Variants in LGI2 observed in about 807,000 individuals in gnomAD.
The protein encoded by LGI2 is leucine rich repeat LGI family member 2.
LGI2 carries 30 observed loss-of-function variants against 52.0 expected under a neutral mutation model. That is an observed-to-expected ratio of 0.58 (90% CI 0.43 to 0.78). The LOEUF is 0.78. LGI2 is among the 30% of genes least tolerant of loss of function. The pLI, the probability that LGI2 is intolerant of heterozygous loss-of-function variation, is 0.00. For synonymous variants in LGI2, 270 were observed against 271.8 expected (o/e 0.99, Z 0.06); for missense variants, 573 against 692.5 (o/e 0.83, Z 1.94).
chr4:25,010,567 T>C (rs961443741), intron 7 of LGI2, among the ~76,000 whole-genome samples: 3 of 152,242 alleles, frequency 2.0e-5, no homozygotes, highest in Non-Finnish European at 4.4e-5. Context: ...GCACACATTC[T>C]TCCTAGACCA....
chr4:25,023,999 T>C (rs540279148), intron 4 of LGI2, among the ~76,000 whole-genome samples: 1 of 152,310 alleles, frequency 6.6e-6, no homozygotes, highest in African/African-American at 2.4e-5. Context: ...ATTAATCCAA[T>C]ATAAAACAAA....
intron 1 of LGI2, among the ~76,000 whole-genome samples, chr4:25,030,144 C>T (rs921331101): frequency 1.3e-5 from 2 of 152,162 alleles, no homozygotes; most frequent in African/African-American, 4.8e-5. Flanking sequence ...ACCCTTGAGT[C>T]TCCCGGGGAC....
chr4:25,003,831 C>G lies in LGI2; in HGVS notation c.1258G>C (p.Val420Leu), dbSNP rs1017467636. 1.2e-6 allele frequency: 2 copies of G among 1,614,188 alleles called. No individual in the cohort carries two copies. The highest frequency in any genetic ancestry group is 1.7e-5 in the Admixed American group (1 of 60,030). Residue 420 changes from valine (V) to leucine (L), a missense_variant, in exon 8 of 8, where the codon GTA becomes CTA. Physicochemically the swap from Val to Leu is conservative, Grantham distance 32. Coordinates refer to ENST00000382114, the MANE Select transcript of LGI2 (RefSeq NM_018176.4). Reference sequence around the variant, plus strand: ...ATTCGGAAGCTCTTCACAGCCAGTACGTCCTCCATGTTGGGGATGTCACCA... The same window carrying G: ...ATTCGGAAGCTCTTCACAGCCAGTAGGTCCTCCATGTTGGGGATGTCACCA... ...PHGDIPNMED[V>L]LAVKSFRMQN... is the part of the protein sequence containing the mutation.
intron 6 of LGI2, among the ~76,000 whole-genome samples, chr4:25,016,391 T>G (rs1311888936): frequency 1.3e-5 from 2 of 152,214 alleles, no homozygotes; most frequent in South Asian, 2.1e-4. Context: ...TGAGCTTTAG[T>G]TTAGCTTTGG....
chr4:25,019,754 T>C (rs955221592), intron 4 of LGI2, among the ~76,000 whole-genome samples: 14 of 152,198 alleles, frequency 9.2e-5, no homozygotes, highest in Non-Finnish European at 5.9e-5. Context: ...CTCCTTTGGG[T>C]CTGTCCTCAA....
chr4:25,003,834 C>T lies in LGI2; in HGVS notation c.1255G>A (p.Asp419Asn), dbSNP rs369058072. 1.9e-6 allele frequency: 3 copies of T among 1,614,080 alleles called. No individual in the cohort carries two copies. Among genetic ancestry groups the T allele is most frequent in the African/African-American group, 2.7e-5 (2 of 74,908 alleles). ...CGGAAGCTCTTCACAGCCAGTACGTCCTCCATGTTGGGGATGTCACCATGG... is the reference window on the plus strand; with the variant it reads ...CGGAAGCTCTTCACAGCCAGTACGTTCTCCATGTTGGGGATGTCACCATGG... The part of the protein sequence containing the change: ...VPHGDIPNME[D>N]VLAVKSFRMQ... The change falls in exon 8 of 8, where the codon GAC (aspartate) becomes AAC (asparagine). Residue 419 changes from aspartate to asparagine, a missense_variant. Transcript: ENST00000382114.
rs575572804 is a variant in LGI2 at position 25,028,800 on chromosome 4, C to A, written c.198-222G>T. Among the ~76,000 whole-genome samples the A allele has an allele frequency of 6.6e-5, 10 of 152,312 alleles. No homozygotes were observed. The South Asian group carries it at 2.1e-3, about 32-fold the overall frequency. On this transcript the variant is annotated intron_variant, in intron 1 of 7. Coordinates refer to ENST00000382114, the MANE Select transcript of LGI2 (RefSeq NM_018176.4). The stretch of plus-strand genomic sequence containing the variant: ...GAAGACTAGTCTGAATAACAGAAAC[C>A]TTTACCATCAGCTCCTTCCACAGAC...
At chr4:24,998,099 C>T (rs1725135550), downstream of LGI2, among the ~76,000 whole-genome samples, 1 of 152,152 alleles carries the variant, frequency 6.6e-6, no homozygotes, top group African/African-American at 2.4e-5. Flanking sequence ...TGGTCTCCAA[C>T]TCCTGGGCTC....
At position 25,001,052 on chromosome 4, in the gene LGI2, C is replaced by T. The variant is rs1725226652; in HGVS notation, c.*2399G>A. On this transcript the variant is annotated 3_prime_UTR_variant, in exon 8 of 8. Transcript: ENST00000382114. ...AAATAACATTATAAAAAAGGAAAACCTGATTGCAGTTGAGTGGGTCACCCC... is the reference window on the plus strand; with the variant it reads ...AAATAACATTATAAAAAAGGAAAACTTGATTGCAGTTGAGTGGGTCACCCC... The T allele has an allele frequency of 6.6e-6, 1 of 152,192 alleles. No individual in the cohort carries two copies. Among genetic ancestry groups the T allele is most frequent in the Admixed American group, 6.5e-5 (1 of 15,290 alleles). The allele number at this position is 152,192 out of a possible 1,614,324, so 9.4% of individuals were successfully genotyped here.
At chr4:25,030,191 G>A (rs1185107004) in intron 1 of LGI2, among the ~76,000 whole-genome samples, 1 of 152,178 alleles carries the variant, frequency 6.6e-6, no homozygotes, top group Non-Finnish European at 1.5e-5. Context: ...TCCAAAGACT[G>A]CTTCAGAGCA....
intron 6 of LGI2, among the ~76,000 whole-genome samples, chr4:25,012,844 T>A (rs1199341814): frequency 6.6e-6 from 1 of 152,230 alleles, no homozygotes; most frequent in African/African-American, 2.4e-5. Flanking sequence ...AGCAACATTC[T>A]CAAAACTGCC....
chr4:25,027,061 G>C, intron 2 of LGI2, 122 bp from the exon 3 acceptor site: 1 of 726,244 alleles, frequency 1.4e-6, no homozygotes, highest in Non-Finnish European at 2.4e-6. Flanking sequence ...TTAGCCTAAG[G>C]AGACCACATT....
intron 6 of LGI2, among the ~76,000 whole-genome samples, chr4:25,016,031 A>G (rs1487826333): frequency 6.6e-6 from 1 of 152,162 alleles, no homozygotes. Context: ...GAAGACAAAT[A>G]CTGCATGAGA....
intron 4 of LGI2, among the ~76,000 whole-genome samples, 182 bp from the exon 5 acceptor site, chr4:25,019,420 CT>C (rs60479823): frequency 0.77 from 116,436 of 150,776 alleles, 45,605 homozygotes; most frequent in East Asian, 0.98. Flanking sequence ...CATTTTCTTT[CT>C]TTTTTTTTTT....
chr4:24,993,302 T>C, the LGI2 span, among the ~76,000 whole-genome samples: 2 of 152,208 alleles, frequency 1.3e-5, no homozygotes, highest in African/African-American at 4.8e-5. Context: ...TTCAGCTGTG[T>C]GACCCGGGGA....
intron 7 of LGI2, among the ~76,000 whole-genome samples, chr4:25,007,466 G>C (rs561596234): frequency 5.5e-4 from 84 of 152,214 alleles, no homozygotes; most frequent in African/African-American, 2.0e-3. Flanking sequence ...AAGTGTCCTA[G>C]AGGTCTGCCT....
rs140955621 is a variant in LGI2 at position 25,005,045 on chromosome 4, C to T, written c.821-777G>A. Among the ~76,000 whole-genome samples the T allele has an allele frequency of 5.9e-4, 90 of 152,226 alleles. No homozygotes were observed. The East Asian group carries it at 0.014, about 23-fold the overall frequency. On this transcript the variant is annotated intron_variant, in intron 7 of 7. Transcript: ENST00000382114. ...AGTGAAATAGCCAGTCACAAAAAGACGAATACTATATGATTCCACTTATAT... is the reference window on the plus strand; with the variant it reads ...AGTGAAATAGCCAGTCACAAAAAGATGAATACTATATGATTCCACTTATAT...
intron 6 of LGI2, 88 bp from the exon 7 acceptor site, chr4:25,012,587 C>T (rs1193577438): frequency 1.4e-6 from 2 of 1,394,654 alleles, no homozygotes; most frequent in Non-Finnish European, 2.0e-6. Flanking sequence ...ATCACATCAG[C>T]TCTGAAAAGG....
At chr4:25,021,666 T>G (rs1725962724) in intron 4 of LGI2, among the ~76,000 whole-genome samples, 1 of 152,084 alleles carries the variant, frequency 6.6e-6, no homozygotes, top group South Asian at 2.1e-4. Context: ...GCGCGGTGGC[T>G]CACACCTATA....
Sources: gnomAD v4.1 joint callset for allele counts (sites outside exome capture counted in the v4.1 genomes callset) on GRCh38, gnomAD v4.1.1 for gene constraint, MANE v1.5 for transcripts, NCBI Gene and HGNC (gene_info 2026-07-23, HGNC 2026-07-21) for gene names.